The following LUZP2 variants were observed in gnomAD, a reference collection of about 807,000 sequenced individuals.
LUZP2 encodes the protein leucine zipper protein 2.
Under a neutral mutation model 51.6 loss-of-function variants are expected in LUZP2, and 52 were observed. The ratio of observed to expected loss-of-function variants is 1.01; its 90% CI spans 0.81 to 1.27. The LOEUF (loss-of-function observed/expected upper bound fraction) is 1.27. Ranked by LOEUF, LUZP2 falls within the 50% of genes most tolerant of loss-of-function variation. LUZP2 has a pLI of 0.00. For synonymous variants in LUZP2, 154 were observed against 137.3 expected (o/e 1.12, Z -0.85); for missense variants, 436 against 395.4 (o/e 1.10, Z -0.87).
chr11:24,660,499 A>G (rs541917341), intron 1 of LUZP2, among the ~76,000 whole-genome samples: 4 of 152,288 alleles, frequency 2.6e-5, no homozygotes, highest in African/African-American at 9.6e-5. Flanking sequence ...ATAGATTAAT[A>G]AAAATAATGA....
chr11:24,602,108 G>A lies in LUZP2; in HGVS notation c.62+104803G>A, dbSNP rs80096075. Among the ~76,000 whole-genome samples, 244 of 115,278 alleles carry A rather than the reference G, an allele frequency of 2.1e-3. 18 individuals are homozygous for A. The highest frequency in any genetic ancestry group is 7.6e-3 in the African/African-American group (217 of 28,416). 75.6% of individuals were successfully genotyped at this position (115,278 alleles called of 152,430 possible). A position where few individuals can be genotyped will look rare whatever the true frequency, so the allele number is the denominator to read the frequency against. On this transcript the variant is annotated intron_variant, in intron 1 of 11. Transcript: ENST00000336930. ...TGTATATATGTATATATGTGTATATGTGTATATATGTATATATGTATATGT... is the reference window on the plus strand; with the variant it reads ...TGTATATATGTATATATGTGTATATATGTATATATGTATATATGTATATGT...
At chr11:24,726,692 A>G (rs1476956827) in intron 1 of LUZP2, among the ~76,000 whole-genome samples, 1 of 152,114 alleles carries the variant, frequency 6.6e-6, no homozygotes, top group Non-Finnish European at 1.5e-5. Flanking sequence ...TATCAGTGGT[A>G]AAAATATATT....
At chr11:24,598,768 T>C (rs924243269) in intron 1 of LUZP2, among the ~76,000 whole-genome samples, 12 of 152,182 alleles carry the variant, frequency 7.9e-5, no homozygotes, top group East Asian at 1.9e-4. Flanking sequence ...CAAATCTTTA[T>C]GGCAAATGGA....
At chr11:24,877,926 A>G (rs182427707) in intron 5 of LUZP2, among the ~76,000 whole-genome samples, 155 of 152,258 alleles carry the variant, frequency 1.0e-3, no homozygotes, top group Admixed American at 2.2e-3. Flanking sequence ...ATGTTGCTGT[A>G]AATAACAGGA....
At chr11:24,716,699 C>A (rs1040741384) in intron 1 of LUZP2, among the ~76,000 whole-genome samples, 2 of 152,128 alleles carry the variant, frequency 1.3e-5, no homozygotes, top group Non-Finnish European at 2.9e-5. Flanking sequence ...GAGTTCGAGA[C>A]CAACTGGCCA....
At chr11:24,786,168 A>G (rs1454084397) in intron 5 of LUZP2, 1 of 982,776 alleles carries the variant, frequency 1.0e-6, no homozygotes, top group Admixed American at 6.2e-5. Flanking sequence ...GTCTCAGGGA[A>G]ACCTAAAACC....
At chr11:24,793,689 A>C (rs1477955258) in intron 5 of LUZP2, among the ~76,000 whole-genome samples, 1 of 152,146 alleles carries the variant, frequency 6.6e-6, no homozygotes, top group Non-Finnish European at 1.5e-5. Flanking sequence ...CTTGCCTTAT[A>C]AGACAAGAAA....
chr11:24,548,507 A>G (rs1161494801), intron 1 of LUZP2, among the ~76,000 whole-genome samples: 2 of 152,016 alleles, frequency 1.3e-5, no homozygotes, highest in East Asian at 1.9e-4. Flanking sequence ...CATTGAGTAC[A>G]CAGGAGCACA....
chr11:24,558,893 C>T (rs1390627190), intron 1 of LUZP2, among the ~76,000 whole-genome samples: 1 of 152,108 alleles, frequency 6.6e-6, no homozygotes, highest in Non-Finnish European at 1.5e-5. Context: ...TTGGAATTTC[C>T]AAACCCCAGA....
At chr11:24,984,681 G>T (rs1856142708) in intron 9 of LUZP2, among the ~76,000 whole-genome samples, 1 of 150,940 alleles carries the variant, frequency 6.6e-6, no homozygotes, top group Admixed American at 6.6e-5. Context: ...TTATTATGGT[G>T]CATACCTGTT....
chr11:24,700,816 A>G (rs748392976), intron 1 of LUZP2, among the ~76,000 whole-genome samples: 3 of 152,128 alleles, frequency 2.0e-5, no homozygotes, highest in Non-Finnish European at 4.4e-5. Flanking sequence ...CTTTGACAGG[A>G]GTAAGAAAAT....
At chr11:24,949,647 C>T (rs917848905) in intron 7 of LUZP2, among the ~76,000 whole-genome samples, 1 of 151,430 alleles carries the variant, frequency 6.6e-6, no homozygotes, top group Non-Finnish European at 1.5e-5. Context: ...GGCAGCGGTT[C>T]GTAATACTGG....
intron 9 of LUZP2, among the ~76,000 whole-genome samples, chr11:25,000,575 G>A (rs929179940): frequency 6.6e-6 from 1 of 152,148 alleles, no homozygotes; most frequent in African/African-American, 2.4e-5. Context: ...AGGGCCCAAA[G>A]GTGAGTAACA....
At chr11:24,605,644 T>C (rs1464087677) in intron 1 of LUZP2, among the ~76,000 whole-genome samples, 2 of 151,914 alleles carry the variant, frequency 1.3e-5, no homozygotes, top group Non-Finnish European at 2.9e-5. Context: ...TACAACTGTG[T>C]ATATTCAAGG....
chr11:24,946,507 A>G (rs953794729), intron 7 of LUZP2, among the ~76,000 whole-genome samples: 28 of 151,856 alleles, frequency 1.8e-4, no homozygotes, highest in Non-Finnish European at 3.8e-4. Context: ...CTGTGTTCTT[A>G]ATGCTTCCTC....
At chr11:24,643,749 T>G (rs966751443) in intron 1 of LUZP2, among the ~76,000 whole-genome samples, 9 of 152,158 alleles carry the variant, frequency 5.9e-5, no homozygotes, top group African/African-American at 1.9e-4. Flanking sequence ...CATTAGTCAC[T>G]ACCTATTGAA....
At chr11:24,933,514 T>C (rs1854511635) in intron 7 of LUZP2, among the ~76,000 whole-genome samples, 1 of 152,206 alleles carries the variant, frequency 6.6e-6, no homozygotes, top group African/African-American at 2.4e-5. Flanking sequence ...GTATTATCTA[T>C]CAGGCACTGA....
At position 24,732,120 on chromosome 11, in the gene LUZP2, C is replaced by T; in HGVS notation, c.183C>T (p.Ser61=). 1 of 1,606,736 alleles carries T rather than the reference C, an allele frequency of 6.2e-7. No homozygotes were observed. Among genetic ancestry groups the T allele is most frequent in the Non-Finnish European group, 8.5e-7 (1 of 1,175,468 alleles). Residue 61 remains serine (S), a splice_region_variant and synonymous_variant, in exon 3 of 12, where the codon TCC becomes TCT. Coordinates refer to ENST00000336930, the MANE Select transcript of LUZP2 (RefSeq NM_001009909.4). ...CATTTTTCCACTTTTCTTATCAGTC[C>T]TTAAAAAACGATGAGCAGTCTGCCA... ...ELDGIKVNLQ[S]LKNDEQSAKT... is the part of the protein sequence containing the mutation.
intron 1 of LUZP2, among the ~76,000 whole-genome samples, chr11:24,602,153 T>C (rs1216999659): frequency 7.7e-6 from 1 of 129,206 alleles, no homozygotes; most frequent in African/African-American, 3.1e-5. Context: ...TATATATGTA[T>C]ATATGTATAT....
Sources: allele counts gnomAD v4.1 joint callset (sites outside exome capture counted in the v4.1 genomes callset), GRCh38; gene constraint gnomAD v4.1.1; transcripts MANE v1.5; gene names NCBI Gene and HGNC (gene_info 2026-07-23, HGNC 2026-07-21).